Variants in GRID2 observed in about 807,000 individuals in gnomAD.
GRID2 encodes the protein glutamate ionotropic receptor delta type subunit 2, also known as glutamate receptor ionotropic, delta-2.
GRID2 carries 33 observed loss-of-function variants against 114.8 expected under a neutral mutation model. The ratio of observed to expected loss-of-function variants is 0.29; its 90% CI spans 0.22 to 0.38. GRID2 has a LOEUF of 0.38. Among genes scored for constraint, GRID2 ranks in the 10% least tolerant of loss-of-function variants. The pLI, the probability that GRID2 is intolerant of heterozygous loss-of-function variation, is 1.00. For missense variants in GRID2, 1,184 were observed against 1,257.7 expected (o/e 0.94, Z 0.89); for synonymous variants, 505 against 449.9 (o/e 1.12, Z -1.55).
At chr4:93,504,555 A>G (rs1728440604) in intron 12 of GRID2, among the ~76,000 whole-genome samples, 1 of 152,058 alleles carries the variant, frequency 6.6e-6, no homozygotes, top group Admixed American at 6.6e-5. Flanking sequence ...GATGAAGTTT[A>G]ATAGGGACGA....
intron 2 of GRID2, among the ~76,000 whole-genome samples, chr4:92,730,966 G>C (rs1223568980): frequency 1.3e-5 from 2 of 151,910 alleles, no homozygotes; most frequent in Non-Finnish European, 2.9e-5. Context: ...ATTGAATGCA[G>C]TGAAAATTGG....
chr4:93,728,685 A>G lies in GRID2; in HGVS notation c.2361-40525A>G, dbSNP rs184301505. Among the ~76,000 whole-genome samples, 812 of 152,236 alleles carry G rather than the reference A, an allele frequency of 5.3e-3. 7 individuals are homozygous for G. Among genetic ancestry groups the G allele is most frequent in the African/African-American group, 0.019 (769 of 41,528 alleles). ...CTGGGTGCTCGTGTATTGGGTGCAT[A>G]TATATTTAGGATAGGTAGCTCTTCT... On this transcript the variant is annotated intron_variant, in intron 14 of 15. Coordinates refer to ENST00000282020, the MANE Select transcript of GRID2 (RefSeq NM_001510.4).
intron 2 of GRID2, among the ~76,000 whole-genome samples, chr4:92,619,963 T>C (rs990829637): frequency 1.3e-5 from 2 of 151,656 alleles, no homozygotes; most frequent in Non-Finnish European, 2.9e-5. Flanking sequence ...ATGGAATAAG[T>C]GTCATTGTAG....
intron 2 of GRID2, among the ~76,000 whole-genome samples, chr4:93,040,520 A>T (rs2149267928): frequency 6.6e-6 from 1 of 152,122 alleles, no homozygotes; most frequent in East Asian, 1.9e-4. Flanking sequence ...CAATAATGTA[A>T]AGGGTATGTG....
In GRID2 at chr4:93,626,336, C is replaced by G. The variant is rs759434911; in HGVS notation, c.2261C>G (p.Pro754Arg). The change falls in exon 14 of 16, where the codon CCA becomes CGA. Residue 754 changes from proline to arginine, a missense_variant. By Grantham distance (103) the Pro-to-Arg change is moderately radical (BLOSUM62 -2). Transcript: ENST00000282020. ...TTGGAATATGTGGCTATCAATGACC[C>G]AGATTGTTCCTTTTACACCATTGGA... Reference protein sequence around the residue: ...AVLEYVAINDPDCSFYTIGNT... With the variant: ...AVLEYVAINDRDCSFYTIGNT... The G allele has an allele frequency of 6.2e-7, 1 of 1,601,582 alleles. No homozygotes were observed. The highest frequency in any genetic ancestry group is 2.2e-5 in the East Asian group (1 of 44,724).
At chr4:92,935,254 C>T (rs1446413817) in intron 2 of GRID2, among the ~76,000 whole-genome samples, 2 of 147,228 alleles carry the variant, frequency 1.4e-5, no homozygotes, top group East Asian at 2.1e-4. Flanking sequence ...CAAAAGAAGA[C>T]ATTTATGCAG....
chr4:93,475,335 G>A (rs190280531), intron 11 of GRID2, among the ~76,000 whole-genome samples: 31 of 149,718 alleles, frequency 2.1e-4, no homozygotes, highest in South Asian at 8.3e-4. Flanking sequence ...TGAAAATTAC[G>A]GAAGAAAATT....
chr4:92,598,242 G>T (rs1458409945), intron 2 of GRID2, among the ~76,000 whole-genome samples: 1 of 152,080 alleles, frequency 6.6e-6, no homozygotes, highest in African/African-American at 2.4e-5. Context: ...TACCTTTTGG[G>T]TGCCTGTGAA....
chr4:92,949,497 T>C (rs1751877099), intron 2 of GRID2, among the ~76,000 whole-genome samples: 1 of 151,926 alleles, frequency 6.6e-6, no homozygotes, highest in African/African-American at 2.4e-5. Flanking sequence ...AATTTTAGTT[T>C]ATGATTGACT....
intron 14 of GRID2, among the ~76,000 whole-genome samples, chr4:93,681,468 C>A (rs1471085993): frequency 2.0e-5 from 3 of 151,548 alleles, no homozygotes; most frequent in African/African-American, 7.3e-5. Context: ...GCCCGCATTG[C>A]CAAGTCAATC....
chr4:93,676,823 C>T (rs542478458), intron 14 of GRID2, among the ~76,000 whole-genome samples: 1 of 151,552 alleles, frequency 6.6e-6, no homozygotes, highest in South Asian at 2.1e-4. Context: ...AGGAACAGCC[C>T]CGGTCTACAG....
At chr4:93,652,338 G>C (rs11937140) in intron 14 of GRID2, among the ~76,000 whole-genome samples, 5,626 of 152,132 alleles carry the variant, frequency 0.037, 353 homozygotes, top group African/African-American at 0.13. Flanking sequence ...CCAGAACTGT[G>C]AGAAAATTAA....
At chr4:93,757,284 T>C (rs971499843) in intron 14 of GRID2, among the ~76,000 whole-genome samples, 1 of 152,202 alleles carries the variant, frequency 6.6e-6, no homozygotes, top group African/African-American at 2.4e-5. Flanking sequence ...TTACAGGCCT[T>C]GCTTCTCCAG....
chr4:93,305,124 C>T (rs1755280128), intron 8 of GRID2, among the ~76,000 whole-genome samples: 1 of 152,028 alleles, frequency 6.6e-6, no homozygotes, highest in Non-Finnish European at 1.5e-5. Flanking sequence ...TTCTGTGACT[C>T]CCCAAAATGA....
At chr4:93,224,472 A>G in intron 6 of GRID2, 142 bp from the exon 7 acceptor site, 1 of 553,948 alleles carries the variant, frequency 1.8e-6, no homozygotes, top group Non-Finnish European at 3.2e-6. Context: ...CCAGGAAATG[A>G]CAAAAGAAAC....
intron 1 of GRID2, among the ~76,000 whole-genome samples, chr4:92,543,105 A>G (rs920913073): frequency 6.6e-6 from 1 of 152,126 alleles, no homozygotes; most frequent in African/African-American, 2.4e-5. Context: ...AAAGGAAGAG[A>G]GATGAATTTT....
chr4:92,966,491 C>A (rs1753166125), intron 2 of GRID2, among the ~76,000 whole-genome samples: 1 of 151,890 alleles, frequency 6.6e-6, no homozygotes, highest in Non-Finnish European at 1.5e-5. Context: ...GCTGTGTCCC[C>A]ACCCAAATCT....
chr4:92,799,201 C>T (rs988187172), intron 2 of GRID2, among the ~76,000 whole-genome samples: 3 of 151,968 alleles, frequency 2.0e-5, no homozygotes, highest in Admixed American at 6.6e-5. Context: ...ACAGATCACC[C>T]GGCATTAGAT....
At chr4:92,965,068 G>GGT (rs1441055100) in intron 2 of GRID2, among the ~76,000 whole-genome samples, 1 of 151,904 alleles carries the variant, frequency 6.6e-6, no homozygotes, top group Non-Finnish European at 1.5e-5. Flanking sequence ...AAGTGAGAGA[G>GGT]GTGGGACGCT....
Sources: gnomAD v4.1 joint callset for allele counts (sites outside exome capture counted in the v4.1 genomes callset) on GRCh38, gnomAD v4.1.1 for gene constraint, MANE v1.5 for transcripts, NCBI Gene and HGNC (gene_info 2026-07-23, HGNC 2026-07-21) for gene names.